Variants in ARHGEF10 observed in about 807,000 individuals in gnomAD.
The protein encoded by ARHGEF10 is Rho guanine nucleotide exchange factor 10, also known as Rho guanine nucleotide exchange factor (GEF) 10.
Under a neutral mutation model 147.4 loss-of-function variants are expected in ARHGEF10, and 140 were observed. The observed-to-expected ratio is 0.95, with a 90% CI of 0.83 to 1.09. The LOEUF is 1.09. ARHGEF10 is among the 50% of genes least tolerant of loss of function. ARHGEF10 has a pLI of 0.00. For missense variants in ARHGEF10, 2,222 were observed against 1,752.7 expected (o/e 1.27, Z -4.78); for synonymous variants, 902 against 695.8 (o/e 1.30, Z -4.67).
chr8:1,899,300 ATAT>A (rs1464571554), intron 15 of ARHGEF10, among the ~76,000 whole-genome samples: 3 of 152,212 alleles, frequency 2.0e-5, no homozygotes, highest in African/African-American at 7.2e-5. Flanking sequence ...TCCAGGGAGG[ATAT>A]TTCAAAGGAG....
intron 26 of ARHGEF10, among the ~76,000 whole-genome samples, chr8:1,941,194 C>G (rs556501651): frequency 3.9e-5 from 6 of 152,184 alleles, no homozygotes; most frequent in Non-Finnish European, 7.3e-5. Flanking sequence ...ATATGATATC[C>G]TCTTGTATGT....
intron 1 of ARHGEF10, among the ~76,000 whole-genome samples, chr8:1,832,912 A>AGG (rs1425011942): frequency 7.0e-5 from 7 of 100,486 alleles, no homozygotes; most frequent in African/African-American, 1.2e-4. Context: ...AGAGAGACAG[A>AGG]CAGAGGCAGA....
chr8:1,934,922 CT>C lies in ARHGEF10; in HGVS notation c.3222+981del, dbSNP rs754269532. ...GGGAAAAAAATTCCTGTATATATGACTAAGAATTAATGTTCTTAAAATACAA... is the reference window on the plus strand; with the variant it reads ...GGGAAAAAAATTCCTGTATATATGACAAGAATTAATGTTCTTAAAATACAA... On this transcript the variant is annotated intron_variant, in intron 26 of 28. Transcript: ENST00000349830. Among the ~76,000 whole-genome samples, 7 of 152,084 alleles carry C rather than the reference CT, an allele frequency of 4.6e-5. No homozygotes were observed. In the South Asian group the frequency reaches 1.0e-3, roughly 23 times the overall value.
intron 17 of ARHGEF10, 98 bp from the exon 18 acceptor site, chr8:1,909,197 G>A: frequency 6.7e-7 from 1 of 1,492,874 alleles, no homozygotes; most frequent in Non-Finnish European, 9.3e-7. Flanking sequence ...TTACAATTCA[G>A]CAGTGGGAAG....
At chr8:1,878,885 G>C (rs978078553) in intron 8 of ARHGEF10, among the ~76,000 whole-genome samples, 1 of 151,930 alleles carries the variant, frequency 6.6e-6, no homozygotes, top group African/African-American at 2.4e-5. Flanking sequence ...ATTACAACCC[G>C]GGAGCGCTGG....
At chr8:1,869,706 T>C in intron 7 of ARHGEF10, 1 of 270,318 alleles carries the variant, frequency 3.7e-6, no homozygotes, top group Non-Finnish European at 7.3e-6. Flanking sequence ...CGTTGATCCA[T>C]ACCTAGGCCG....
At chr8:1,902,768 C>T (rs933331839) in intron 15 of ARHGEF10, among the ~76,000 whole-genome samples, 1 of 152,220 alleles carries the variant, frequency 6.6e-6, no homozygotes, top group Non-Finnish European at 1.5e-5. Flanking sequence ...ACGATAGTGT[C>T]ATGCATCTTT....
At chr8:1,867,893 C>T (rs1563202284) in intron 6 of ARHGEF10, among the ~76,000 whole-genome samples, 1 of 152,176 alleles carries the variant, frequency 6.6e-6, no homozygotes, top group Non-Finnish European at 1.5e-5. Flanking sequence ...GTTGTTAAAA[C>T]AAAGATCTTA....
At chr8:1,899,023 A>G (rs964743746) in intron 15 of ARHGEF10, among the ~76,000 whole-genome samples, 5 of 152,236 alleles carry the variant, frequency 3.3e-5, no homozygotes, top group East Asian at 1.9e-4. Flanking sequence ...ATCACCGAGG[A>G]CAGGGAGATG....
intron 1 of ARHGEF10, 63 bp from the exon 2 acceptor site, chr8:1,843,290 A>C (rs1420441827): frequency 3.8e-6 from 5 of 1,313,244 alleles, no homozygotes; most frequent in East Asian, 2.4e-5. Context: ...CGACAGCCCT[A>C]CACCTATTGA....
chr8:1,887,486 G>T (rs901867906), intron 11 of ARHGEF10, among the ~76,000 whole-genome samples: 6 of 100,116 alleles, frequency 6.0e-5, no homozygotes, highest in Non-Finnish European at 1.5e-4. Flanking sequence ...GAGACACTGA[G>T]TGGGGTGTGA....
intron 26 of ARHGEF10, among the ~76,000 whole-genome samples, chr8:1,942,956 T>C (rs75686772): frequency 0.011 from 1,614 of 152,258 alleles, 34 homozygotes; most frequent in African/African-American, 0.037. Flanking sequence ...GGTGATAAAA[T>C]GTTCTGGAAT....
At chr8:1,945,028 C>T (rs1437612160) in intron 26 of ARHGEF10, among the ~76,000 whole-genome samples, 1 of 152,234 alleles carries the variant, frequency 6.6e-6, no homozygotes, top group East Asian at 1.9e-4. Context: ...GCAGAAGGTG[C>T]CTTTCCAGGA....
intron 3 of ARHGEF10, 77 bp from the exon 4 acceptor site, chr8:1,859,820 C>G (rs2095885975): frequency 1.9e-6 from 3 of 1,565,956 alleles, no homozygotes; most frequent in Non-Finnish European, 8.7e-7. Flanking sequence ...TACCTGCTTC[C>G]CACTTGCGCT....
intron 13 of ARHGEF10, among the ~76,000 whole-genome samples, chr8:1,896,010 G>A (rs1013422278): frequency 1.3e-5 from 2 of 152,170 alleles, no homozygotes; most frequent in Non-Finnish European, 2.9e-5. Context: ...CCCACCAAGT[G>A]AGACTTGGCA....
intron 11 of ARHGEF10, among the ~76,000 whole-genome samples, chr8:1,890,053 A>G (rs535803079): frequency 7.5e-6 from 1 of 133,762 alleles, no homozygotes; most frequent in African/African-American, 2.9e-5. Flanking sequence ...TGGGGTAAGG[A>G]GTCTGTGCGG....
chr8:1,947,789 C>T (rs992588564), intron 27 of ARHGEF10, among the ~76,000 whole-genome samples: 8 of 150,236 alleles, frequency 5.3e-5, no homozygotes, highest in Non-Finnish European at 8.9e-5. Context: ...CTGCCTCTCC[C>T]GCCCGCCTCC....
In ARHGEF10 at chr8:1,928,457, A is replaced by G. The variant is rs1480757811; in HGVS notation, c.2728A>G (p.Ile910Val). ...AAGTTGCACCCATCAAATGGGTCAG[A>G]TTGCCATCGTCTCGTTTCAAAATTC... ...IGSCTHQMGQ[I>V]AIVSFQNSTP... Residue 910 changes from isoleucine to valine, a missense_variant, in exon 24 of 29, where the codon ATT becomes GTT. Coordinates refer to ENST00000349830, the MANE Select transcript of ARHGEF10 (RefSeq NM_014629.4). 7 of 1,614,102 alleles carry G rather than the reference A, an allele frequency of 4.3e-6. No individual in the cohort carries two copies. The highest frequency in any genetic ancestry group is 5.1e-6 in the Non-Finnish European group (6 of 1,180,014).
Position 1,928,477 on chromosome 8 carries a change from A to T in ARHGEF10, c.2748A>T (p.Gln916His). 6.2e-7 allele frequency: 1 copy of T among 1,614,138 alleles called. No homozygotes were observed. The highest frequency in any genetic ancestry group is 8.5e-7 in the Non-Finnish European group (1 of 1,180,020). Residue 916 changes from glutamine (Q) to histidine (H), a missense_variant, in exon 24 of 29, where the codon CAA becomes CAT. Physicochemically the swap from Gln to His is conservative, Grantham distance 24 (BLOSUM62 0). Transcript: ENST00000349830. ...GTCAGATTGCCATCGTCTCGTTTCA[A>T]AATTCCACTCCCAAAGTCATTGAGT... Reference protein sequence around the residue: ...QMGQIAIVSFQNSTPKVIECF... With the variant: ...QMGQIAIVSFHNSTPKVIECF...
Sources: allele counts gnomAD v4.1 joint callset (sites outside exome capture counted in the v4.1 genomes callset), GRCh38; gene constraint gnomAD v4.1.1; transcripts MANE v1.5; gene names NCBI Gene and HGNC (gene_info 2026-07-23, HGNC 2026-07-21).